The following AMACR variants were observed in gnomAD, a reference collection of about 807,000 sequenced individuals.
AMACR encodes the protein alpha-methylacyl-CoA racemase, also known as 2-methylacyl-CoA racemase.
A neutral mutation model predicts 22.2 loss-of-function variants in AMACR; 18 were observed. The observed-to-expected ratio is 0.81, with a 90% CI of 0.56 to 1.20. The LOEUF is 1.20. AMACR is among the 50% of genes most tolerant of loss of function. The pLI is 0.00. For missense variants in AMACR, 499 were observed against 490.6 expected (o/e 1.02, Z -0.16); for synonymous variants, 213 against 191.3 (o/e 1.11, Z -0.94).
Position 33,989,124 on chromosome 5 carries a change from A to G in AMACR, c.1118T>C (p.Ile373Thr). ...ACTAGCTTTTACCTTATTACTTTCA[A>G]TGATTTTATCTGAGTTAAGCTGATA... Reference protein sequence around the residue: ...EIYQLNSDKIIESNKVKASL With the variant: ...EIYQLNSDKITESNKVKASL Residue 373 changes from isoleucine to threonine, a missense_variant, in exon 5 of 5, where the codon ATT (isoleucine) becomes ACT (threonine). By Grantham distance (89) the Ile-to-Thr change is moderately conservative. Coordinates refer to ENST00000335606, the MANE Select transcript of AMACR (RefSeq NM_014324.6). The G allele has an allele frequency of 1.2e-6, 2 of 1,614,216 alleles. No individual in the cohort carries two copies. The highest frequency in any genetic ancestry group is 2.2e-5 in the East Asian group (1 of 44,882).
Position 33,998,711 on chromosome 5 carries a change from G to A in AMACR, c.669C>T (p.Tyr223=). 2.5e-6 allele frequency: 4 copies of A among 1,614,106 alleles called. No homozygotes were observed. Among genetic ancestry groups the A allele is most frequent in the African/African-American group, 1.3e-5 (1 of 75,026 alleles). Residue 223 remains tyrosine, a synonymous_variant, in exon 4 of 5, where the codon TAC becomes TAT. Transcript: ENST00000335606. ...CCATGAATTCCCCATCTGCTGTCCT[G>A]TAAGTCGTATAGAAAGGTGCTCCAC... ...LDGGAPFYTT[Y]RTADGEFMAV...
rs991854818 is a variant in AMACR at position 34,005,451 on chromosome 5, C to T, written c.391+305G>A. 8.5e-5 allele frequency among the ~76,000 whole-genome samples: 13 copies of T among 152,112 alleles called. No homozygotes were observed. In the East Asian group the frequency reaches 1.5e-3, roughly 18 times the overall value. On this transcript the variant is annotated intron_variant, in intron 2 of 4. Coordinates refer to ENST00000335606, the MANE Select transcript of AMACR (RefSeq NM_014324.6). ...ATTTTCAAACCACAGAGCAACCATCCGTAGTACCCAGTAAGCCTCTTAATT... is the reference window on the plus strand; with the variant it reads ...ATTTTCAAACCACAGAGCAACCATCTGTAGTACCCAGTAAGCCTCTTAATT...
intron 3 of AMACR, among the ~76,000 whole-genome samples, chr5:34,002,216 C>T (rs1217326240): frequency 4.6e-5 from 7 of 152,096 alleles, no homozygotes; most frequent in African/African-American, 1.4e-4. Context: ...AGGCTGGTCT[C>T]GAACTCCTGA....
chr5:33,994,242 C>T (rs779476804), intron 4 of AMACR: 13 of 314,774 alleles, frequency 4.1e-5, no homozygotes, highest in African/African-American at 2.2e-4. Flanking sequence ...GGCAGTGATG[C>T]GATCTCAGTG....
chr5:34,005,916 C>A lies in AMACR; in HGVS notation c.248-17G>T. 6.2e-7 allele frequency: 1 copy of A among 1,613,894 alleles called. No individual in the cohort carries two copies. The highest frequency in any genetic ancestry group is 1.6e-4 in the Middle Eastern group (1 of 6,062). ...CCATGACACCTTAAGAGAAAAGTAA[C>A]GATCTTCTTAAGAGAGTATGAATTG... is the stretch of plus-strand genomic sequence containing the variant. On this transcript the variant is annotated splice_polypyrimidine_tract_variant and intron_variant, in intron 1 of 4. Transcript: ENST00000335606.
At chr5:33,996,341 A>C (rs1098353) in intron 4 of AMACR, among the ~76,000 whole-genome samples, 27,159 of 152,002 alleles carry the variant, frequency 0.18, 6,132 homozygotes, top group African/African-American at 0.51. Context: ...CTGAGAAGGC[A>C]ACGCACACGT....
chr5:33,990,705 T>C (rs867945326), intron 4 of AMACR, among the ~76,000 whole-genome samples: 1 of 152,250 alleles, frequency 6.6e-6, no homozygotes, highest in South Asian at 2.1e-4. Context: ...ACCTTCCTTC[T>C]GTAGCATGTT....
intron 4 of AMACR, among the ~76,000 whole-genome samples, chr5:33,994,346 T>G (rs1753572992): frequency 6.6e-6 from 1 of 152,052 alleles, no homozygotes; most frequent in Non-Finnish European, 1.5e-5. Context: ...ACCTGACTAA[T>G]TTTTGTATCT....
intron 3 of AMACR, among the ~76,000 whole-genome samples, chr5:34,000,638 A>G (rs1451138529): frequency 1.3e-5 from 2 of 152,072 alleles, no homozygotes; most frequent in African/African-American, 4.8e-5. Flanking sequence ...GCGGGATTAC[A>G]GGTGCCTACC....
At position 34,005,781 on chromosome 5, in the gene AMACR, G is replaced by A. The variant is rs775128044; in HGVS notation, c.366C>T (p.His122=). 1.7e-5 allele frequency: 28 copies of A among 1,613,842 alleles called. No individual in the cohort carries two copies. In the East Asian group the frequency reaches 5.1e-4, roughly 30 times the overall value. Residue 122 remains histidine, a synonymous_variant, in exon 2 of 5, where the codon CAC becomes CAT. Coordinates refer to ENST00000335606, the MANE Select transcript of AMACR (RefSeq NM_014324.6). ...CTGACAAAGCCAAATAGTTGATATC[G>A]TGGCCAGCTAACCGGCAGAAGCTTC... ...QSGSFCRLAG[H]DINYLALSGV...
chr5:34,007,745 G>A, intron 1 of AMACR, 28 bp downstream of exon 1: 1 of 1,526,960 alleles, frequency 6.5e-7, no homozygotes, highest in Non-Finnish European at 8.8e-7. Flanking sequence ...GGAACTTCCC[G>A]AGAGCAGCCC....
At chr5:34,000,601 G>A (rs1016697557) in intron 3 of AMACR, among the ~76,000 whole-genome samples, 1 of 151,946 alleles carries the variant, frequency 6.6e-6, no homozygotes, top group Middle Eastern at 3.4e-3. Flanking sequence ...AGGTTCAAGC[G>A]ATTCTCCTGC....
Position 34,004,733 on chromosome 5 carries a change from A to G in AMACR, c.393T>C (p.Gly131=), listed in dbSNP as rs770745666. ...GHDINYLALS[G]VLSKIGRSGE... is the part of the protein sequence containing the mutation. ...CACTTCTGCCAATTTTTGAGAGAAC[A>G]CCTACATCATTAAAAACAAATTTAA... The change falls in exon 3 of 5, where the codon GGT becomes GGC. Residue 131 remains glycine (G), a splice_region_variant and synonymous_variant. Coordinates refer to ENST00000335606, the MANE Select transcript of AMACR (RefSeq NM_014324.6). The G allele has an allele frequency of 6.2e-7, 1 of 1,614,190 alleles. No homozygotes were observed. The highest frequency in any genetic ancestry group is 1.1e-5 in the South Asian group (1 of 91,082).
In AMACR at chr5:33,987,342, A is replaced by G. The variant is rs1753322899; in HGVS notation, c.*1751T>C. 1 of 152,266 alleles carries G rather than the reference A, an allele frequency of 6.6e-6. No individual in the cohort carries two copies. The highest frequency in any genetic ancestry group is 6.5e-5 in the Admixed American group (1 of 15,288). The allele number at this position is 152,266 out of a possible 1,614,324, so 9.4% of individuals were successfully genotyped here. ...GAAGAACAAGACTGAAGGCTAGAAT[A>G]TGAAAGCTTAAATTCTGATTCTGCC... On this transcript the variant is annotated 3_prime_UTR_variant, in exon 5 of 5. Coordinates refer to ENST00000335606, the MANE Select transcript of AMACR (RefSeq NM_014324.6).
intron 4 of AMACR, chr5:33,997,309 G>A (rs1753671050): frequency 1.3e-6 from 1 of 773,644 alleles, no homozygotes; most frequent in Non-Finnish European, 2.4e-6. Context: ...GCATCCCCCA[G>A]CAGCCTGAGT....
chr5:33,989,603 G>T, intron 4 of AMACR, 101 bp from the exon 5 acceptor site: 1 of 966,100 alleles, frequency 1.0e-6, no homozygotes, highest in Non-Finnish European at 1.6e-6. Context: ...AAAATAAGAT[G>T]TTCTATAAGG....
Position 33,989,237 on chromosome 5 carries a change from T to C in AMACR, c.1005A>G (p.Pro335=). The change falls in exon 5 of 5, where the codon CCA becomes CCG. Residue 335 remains proline, a synonymous_variant. Coordinates refer to ENST00000335606, the MANE Select transcript of AMACR (RefSeq NM_014324.6). Reference sequence around the variant, plus strand: ...GATCCCTTTTGAAAGAAGGGATGGCTGGGGTGTTTAACAGCAGAGGTGCAG... The same window carrying C: ...GATCCCTTTTGAAAGAAGGGATGGCCGGGGTGTTTAACAGCAGAGGTGCAG... ...PRPAPLLLNT[P]AIPSFKRDPF... 2 of 1,614,176 alleles carry C rather than the reference T, an allele frequency of 1.2e-6. No individual in the cohort carries two copies. Among genetic ancestry groups the C allele is most frequent in the East Asian group, 2.2e-5 (1 of 44,886 alleles).
intron 3 of AMACR, 125 bp from the exon 4 acceptor site, chr5:33,998,952 A>T: frequency 1.2e-6 from 1 of 808,868 alleles, no homozygotes; most frequent in Non-Finnish European, 2.0e-6. Flanking sequence ...CGAAGATTCT[A>T]CCTAATTACA....
intron 3 of AMACR, among the ~76,000 whole-genome samples, chr5:34,001,859 G>T (rs933580961): frequency 1.3e-5 from 2 of 152,196 alleles, no homozygotes; most frequent in Non-Finnish European, 2.9e-5. Flanking sequence ...GGGTCCTAGT[G>T]ATGAAGTAAT....
Sources: gnomAD v4.1 joint callset for allele counts (sites outside exome capture counted in the v4.1 genomes callset) on GRCh38, gnomAD v4.1.1 for gene constraint, MANE v1.5 for transcripts, NCBI Gene and HGNC (gene_info 2026-07-23, HGNC 2026-07-21) for gene names.